The following DLGAP1 variants were observed in gnomAD, a reference collection of about 807,000 sequenced individuals.
The protein encoded by DLGAP1 is DLG associated protein 1.
Under a neutral mutation model 90.8 loss-of-function variants are expected in DLGAP1, and 11 were observed. The observed-to-expected ratio is 0.12, with a 90% CI of 0.08 to 0.20. The LOEUF (loss-of-function observed/expected upper bound fraction) is 0.20. DLGAP1 is among the 10% of genes least tolerant of loss of function. The pLI is 1.00. For synonymous variants in DLGAP1, 558 were observed against 540.7 expected, an observed-to-expected ratio of 1.03 and a Z score of -0.44; for missense variants, 1,050 against 1,333.8, an observed-to-expected ratio of 0.79 and a Z score of 3.31.
intron 4 of DLGAP1, among the ~76,000 whole-genome samples, chr18:3,832,619 C>T (rs899963890): frequency 6.7e-6 from 1 of 148,638 alleles, no homozygotes; most frequent in Non-Finnish European, 1.5e-5. Context: ...TTTAGATAAA[C>T]ATCCAGAAAA....
intron 3 of DLGAP1, among the ~76,000 whole-genome samples, chr18:3,947,159 G>A (rs1366304832): frequency 6.6e-6 from 1 of 152,176 alleles, no homozygotes; most frequent in Admixed American, 6.5e-5. Flanking sequence ...ACATTGGGTT[G>A]GGTATAGACC....
chr18:4,447,868 A>G (rs1386986938), intron 1 of DLGAP1, among the ~76,000 whole-genome samples: 1 of 152,170 alleles, frequency 6.6e-6, no homozygotes, highest in African/African-American at 2.4e-5. Flanking sequence ...ATCTACTCCT[A>G]TCAGTCCAAG....
intron 1 of DLGAP1, among the ~76,000 whole-genome samples, chr18:4,215,272 C>T (rs1039540997): frequency 9.2e-5 from 14 of 152,174 alleles, no homozygotes; most frequent in Middle Eastern, 3.4e-3. Flanking sequence ...GGTATCACCA[C>T]GAAGTATCTT....
chr18:3,709,570 A>C (rs1281952879), intron 7 of DLGAP1, among the ~76,000 whole-genome samples: 1 of 152,200 alleles, frequency 6.6e-6, no homozygotes, highest in African/African-American at 2.4e-5. Flanking sequence ...ACATTTTTTC[A>C]GTCTGTGCAG....
chr18:3,828,688 T>C (rs1253081615), intron 4 of DLGAP1, among the ~76,000 whole-genome samples: 1 of 131,238 alleles, frequency 7.6e-6, no homozygotes, highest in Non-Finnish European at 1.7e-5. Context: ...AACAAAACCT[T>C]TAAAAAAAAA....
intron 10 of DLGAP1, among the ~76,000 whole-genome samples, chr18:3,511,916 G>T (rs190032707): frequency 7.2e-5 from 11 of 152,116 alleles, no homozygotes; most frequent in African/African-American, 2.7e-4. Flanking sequence ...AAAGGTGATC[G>T]CTAAGGGTCA....
At chr18:3,959,500 C>T (rs1431325297) in intron 3 of DLGAP1, among the ~76,000 whole-genome samples, 4 of 151,920 alleles carry the variant, frequency 2.6e-5, no homozygotes, top group Non-Finnish European at 4.4e-5. Flanking sequence ...AACCATATCT[C>T]CCCTAAAAAT....
intron 7 of DLGAP1, among the ~76,000 whole-genome samples, chr18:3,596,305 G>A (rs1027720979): frequency 5.9e-5 from 9 of 151,848 alleles, no homozygotes; most frequent in Non-Finnish European, 8.8e-5. Context: ...AATTACAGCC[G>A]CCCGCCACCA....
At chr18:4,247,602 C>T (rs1445428232) in intron 1 of DLGAP1, among the ~76,000 whole-genome samples, 1 of 151,966 alleles carries the variant, frequency 6.6e-6, no homozygotes, top group Non-Finnish European at 1.5e-5. Context: ...ATGGCAAAAC[C>T]CCGTCTCTAC....
At chr18:4,062,567 T>A (rs1265078505) in intron 2 of DLGAP1, among the ~76,000 whole-genome samples, 1 of 152,182 alleles carries the variant, frequency 6.6e-6, no homozygotes, top group Admixed American at 6.5e-5. Context: ...TGAGATTTCT[T>A]ATGGAATGAA....
intron 1 of DLGAP1, among the ~76,000 whole-genome samples, chr18:4,288,170 G>A (rs906619803): frequency 6.6e-6 from 1 of 152,044 alleles, no homozygotes; most frequent in Non-Finnish European, 1.5e-5. Flanking sequence ...CCACTAACTC[G>A]TCATCTAGCA....
rs116551988 is a variant in DLGAP1 at position 4,251,047 on chromosome 18, G to A, written c.-266-99760C>T. The stretch of plus-strand genomic sequence containing the variant: ...AATCTATAATGCCCCAGGAAACAGC[G>A]TTAAACTGGAGTATTAGAGAATTGA... On this transcript the variant is annotated intron_variant, in intron 1 of 12. Transcript: ENST00000315677. Among the ~76,000 whole-genome samples the A allele has an allele frequency of 2.6e-3, 392 of 152,182 alleles. 1 individual carries two copies. The highest frequency in any genetic ancestry group is 0.01 in the Middle Eastern group (3 of 294).
intron 3 of DLGAP1, among the ~76,000 whole-genome samples, chr18:3,902,412 A>G (rs962152194): frequency 6.6e-6 from 1 of 152,226 alleles, no homozygotes; most frequent in African/African-American, 2.4e-5. Context: ...CCTGGCCAAA[A>G]TCATGATGAT....
chr18:4,196,799 A>G (rs1019804788), intron 1 of DLGAP1, among the ~76,000 whole-genome samples: 2 of 152,226 alleles, frequency 1.3e-5, no homozygotes, highest in Non-Finnish European at 2.9e-5. Flanking sequence ...TTGTATATGT[A>G]CACATTTTTG....
intron 1 of DLGAP1, among the ~76,000 whole-genome samples, chr18:4,232,560 T>C (rs1016364395): frequency 2.0e-5 from 3 of 152,272 alleles, no homozygotes; most frequent in Non-Finnish European, 2.9e-5. Context: ...GTTGTTGTAA[T>C]GTAAAAGCCA....
At chr18:3,703,919 C>T (rs2061358339) in intron 7 of DLGAP1, among the ~76,000 whole-genome samples, 1 of 152,188 alleles carries the variant, frequency 6.6e-6, no homozygotes, top group Non-Finnish European at 1.5e-5. Context: ...CCCCACGTTC[C>T]CCTTCACAGG....
chr18:3,929,322 T>A (rs561081206), intron 3 of DLGAP1, among the ~76,000 whole-genome samples: 1 of 152,290 alleles, frequency 6.6e-6, no homozygotes, highest in Non-Finnish European at 1.5e-5. Flanking sequence ...ATTATCCCCA[T>A]AAATTTGCAA....
At chr18:4,078,407 A>G (rs1364423945) in intron 2 of DLGAP1, among the ~76,000 whole-genome samples, 1 of 152,216 alleles carries the variant, frequency 6.6e-6, no homozygotes, top group Non-Finnish European at 1.5e-5. Context: ...AAGACAAATG[A>G]CCATAAAGCA....
At chr18:3,946,422 A>C (rs1157610040) in intron 3 of DLGAP1, among the ~76,000 whole-genome samples, 3 of 152,236 alleles carry the variant, frequency 2.0e-5, no homozygotes. Flanking sequence ...TAAGCAACAA[A>C]TATCAATTAA....
Sources: allele counts gnomAD v4.1 joint callset (sites outside exome capture counted in the v4.1 genomes callset), GRCh38; gene constraint gnomAD v4.1.1; transcripts MANE v1.5; gene names NCBI Gene and HGNC (gene_info 2026-07-23, HGNC 2026-07-21).